Variants in DCAF6 observed in about 807,000 individuals in gnomAD.
DCAF6 encodes the protein DDB1- and CUL4-associated factor 6.
In DCAF6, 54 loss-of-function variants were observed where a neutral mutation model predicts 125.1. The ratio of observed to expected loss-of-function variants is 0.43; its 90% CI spans 0.35 to 0.54. The LOEUF (loss-of-function observed/expected upper bound fraction) is 0.54, where lower values mean the gene tolerates loss of function less well. DCAF6 is among the 20% of genes least tolerant of loss of function. The probability of loss-of-function intolerance (pLI) is 0.01; values close to 1 mark genes in which losing one functional copy is unlikely to be tolerated. For missense variants in DCAF6, 934 were observed against 1,161.7 expected (o/e 0.80, Z 2.85); for synonymous variants, 371 against 390.4 (o/e 0.95, Z 0.58).
chr1:168,069,205 A>C (rs536575514), intron 21 of DCAF6, among the ~76,000 whole-genome samples: 1 of 152,242 alleles, frequency 6.6e-6, no homozygotes, highest in African/African-American at 2.4e-5. Flanking sequence ...CACACAACTG[A>C]TAAATATTAA....
chr1:167,870,405 T>C, the DCAF6 span: 1 of 1,607,524 alleles, frequency 6.2e-7, no homozygotes, highest in Non-Finnish European at 8.5e-7. Context: ...ATCTCTTTAT[T>C]ACGTCCTGTT....
rs1048991878 is a variant in DCAF6, at chr1:168,063,348, C to T, written c.2301-273C>T. Among the ~76,000 whole-genome samples the T allele has an allele frequency of 2.0e-5, 3 of 152,106 alleles. No individual in the cohort carries two copies. The East Asian group carries it at 5.8e-4, about 29-fold the overall frequency. On this transcript the variant is annotated intron_variant, in intron 17 of 21. Transcript: ENST00000367840. Reference sequence around the variant, plus strand: ...TGTATTATGTTTTTATAAAATAGCCCTTTAAAAACCAGTTTGCCGCATGCT... The same window carrying T: ...TGTATTATGTTTTTATAAAATAGCCTTTTAAAAACCAGTTTGCCGCATGCT...
chr1:167,933,567 T>C (rs556775116), upstream of DCAF6, among the ~76,000 whole-genome samples: 66 of 152,364 alleles, frequency 4.3e-4, no homozygotes, highest in African/African-American at 1.1e-3. Context: ...ACTGTTAATA[T>C]TGTAGCATTT....
At chr1:167,903,864 C>T in the DCAF6 span, 1 of 1,547,274 alleles carries the variant, frequency 6.5e-7, no homozygotes, top group Non-Finnish European at 8.9e-7. Flanking sequence ...ATTCTCAAGC[C>T]AGAAACCTAT....
At chr1:167,910,054 G>A in the DCAF6 span, among the ~76,000 whole-genome samples, 2 of 152,240 alleles carry the variant, frequency 1.3e-5, no homozygotes, top group Non-Finnish European at 2.9e-5. Context: ...GCCCTTAAAA[G>A]GGCCAGGAAC....
chr1:167,961,548 G>C (rs1231428083), intron 2 of DCAF6, among the ~76,000 whole-genome samples: 1 of 152,116 alleles, frequency 6.6e-6, no homozygotes, highest in East Asian at 1.9e-4. Context: ...GCCTCCAGGA[G>C]GGTTTTTAAA....
intron 3 of DCAF6, among the ~76,000 whole-genome samples, chr1:167,973,855 A>C (rs1347303608): frequency 1.3e-4 from 20 of 151,822 alleles, no homozygotes; most frequent in Admixed American, 1.3e-3. Context: ...AATCTTTGAC[A>C]TTTTTTTTGG....
the DCAF6 span, chr1:167,883,588 CGAAGCTCA>C: frequency 6.2e-7 from 1 of 1,614,182 alleles, no homozygotes; most frequent in East Asian, 2.2e-5. Flanking sequence ...CGTCACTGGG[CGAAGCTCA>C]GATAAATAGC....
the DCAF6 span, among the ~76,000 whole-genome samples, chr1:167,863,705 G>A: frequency 1.3e-5 from 2 of 152,366 alleles, no homozygotes; most frequent in South Asian, 4.1e-4. Flanking sequence ...GATCCTGAGA[G>A]CTCTCCTGGG....
upstream of DCAF6, chr1:167,935,691 G>A (rs372760188): frequency 5.2e-5 from 79 of 1,509,444 alleles, no homozygotes; most frequent in Non-Finnish European, 6.9e-5. Flanking sequence ...TAGAGGAAGC[G>A]AGAAGGAAGG....
At chr1:168,042,834 A>G (rs1688707753) in intron 13 of DCAF6, 191 bp from the exon 14 acceptor site, 2 of 455,504 alleles carry the variant, frequency 4.4e-6, no homozygotes, top group South Asian at 8.5e-5. Flanking sequence ...ATTTTTTTTC[A>G]AGAGTAAAGT....
In DCAF6 at chr1:167,941,575, T is replaced by C. The variant is rs1479322058; in HGVS notation, c.97+4567T>C. On this transcript the variant is annotated intron_variant, in intron 1 of 21. Transcript: ENST00000367840. ...CTAGATGGGATGCATTCTGTTTTTT[T>C]TCATATTGTTACAACTGTTGGTGTT... Among the ~76,000 whole-genome samples, 5 of 152,330 alleles carry C rather than the reference T, an allele frequency of 3.3e-5. No homozygotes were observed. In the East Asian group the frequency reaches 9.6e-4, roughly 29 times the overall value.
At chr1:167,875,716 C>T in the DCAF6 span, among the ~76,000 whole-genome samples, 13 of 152,252 alleles carry the variant, frequency 8.5e-5, no homozygotes, top group South Asian at 1.9e-3. Context: ...TTTGGGAGGC[C>T]GAGGTGGGCA....
At chr1:167,925,209 C>T in the DCAF6 span, among the ~76,000 whole-genome samples, 1 of 151,896 alleles carries the variant, frequency 6.6e-6, no homozygotes, top group Non-Finnish European at 1.5e-5. Context: ...TACCACAGTA[C>T]ATTTTACATA....
At chr1:168,000,567 A>G (rs1356331357) in intron 7 of DCAF6, among the ~76,000 whole-genome samples, 2 of 152,186 alleles carry the variant, frequency 1.3e-5, no homozygotes, top group African/African-American at 4.8e-5. Flanking sequence ...TGCTTAATTC[A>G]GCATTATTCA....
the DCAF6 span, among the ~76,000 whole-genome samples, chr1:167,887,242 C>A: frequency 6.6e-6 from 1 of 152,200 alleles, no homozygotes. Flanking sequence ...AAGACACATG[C>A]ACATGTATGT....
At chr1:167,999,235 TAGTC>T (rs777650714) in intron 7 of DCAF6, among the ~76,000 whole-genome samples, 2 of 152,200 alleles carry the variant, frequency 1.3e-5, no homozygotes, top group Non-Finnish European at 2.9e-5. Flanking sequence ...GGGCTTCAAA[TAGTC>T]AGTAAAACAT....
At chr1:167,988,457 G>A (rs6672997) in intron 5 of DCAF6, among the ~76,000 whole-genome samples, 12,861 of 152,180 alleles carry the variant, frequency 0.085, 616 homozygotes, top group Middle Eastern at 0.1. Flanking sequence ...ATGAGCCACT[G>A]TGTTTGACTT....
intron 8 of DCAF6, 95 bp from the exon 9 acceptor site, chr1:168,003,775 G>A: frequency 3.6e-6 from 4 of 1,104,254 alleles, no homozygotes; most frequent in South Asian, 3.8e-5. Flanking sequence ...TTAAAAATAT[G>A]CTTTCATTTT....
Sources: gnomAD v4.1 joint callset for allele counts (sites outside exome capture counted in the v4.1 genomes callset) on GRCh38, gnomAD v4.1.1 for gene constraint, MANE v1.5 for transcripts, NCBI Gene and HGNC (gene_info 2026-07-23, HGNC 2026-07-21) for gene names.